The following CNOT6L variants were observed in gnomAD, a reference collection of about 807,000 sequenced individuals.
CNOT6L encodes the protein CCR4-NOT transcription complex subunit 6 like, also known as CCR4-NOT transcription complex subunit 6-like.
In CNOT6L, 7 loss-of-function variants were observed where a neutral mutation model predicts 64.0. The ratio of observed to expected loss-of-function variants is 0.11; its 90% CI spans 0.06 to 0.21. The LOEUF (loss-of-function observed/expected upper bound fraction) is 0.21, where lower values mean the gene tolerates loss of function less well. Ranked by LOEUF, CNOT6L falls within the 10% of genes least tolerant of loss-of-function variation. CNOT6L has a pLI of 1.00. For missense variants in CNOT6L, 245 were observed against 669.0 expected (o/e 0.37, Z 6.99); for synonymous variants, 193 against 243.4 (o/e 0.79, Z 1.93).
At chr4:77,757,365 T>C (rs1725687226) in intron 4 of CNOT6L, among the ~76,000 whole-genome samples, 1 of 152,148 alleles carries the variant, frequency 6.6e-6, no homozygotes, top group Non-Finnish European at 1.5e-5. Flanking sequence ...CGTAGAATAT[T>C]TATATTACAT....
At chr4:77,747,939 G>T (rs1016296965) in intron 6 of CNOT6L, among the ~76,000 whole-genome samples, 1 of 152,082 alleles carries the variant, frequency 6.6e-6, no homozygotes. Flanking sequence ...AAATATCATT[G>T]TTCTCATTTT....
intron 8 of CNOT6L, chr4:77,731,822 A>C: frequency 3.8e-6 from 1 of 261,864 alleles, no homozygotes; most frequent in Non-Finnish European, 7.1e-6. Context: ...ATGAAATAAG[A>C]AGCAGGAAGG....
At chr4:77,769,762 A>C (rs1004576366) in intron 4 of CNOT6L, among the ~76,000 whole-genome samples, 4 of 152,182 alleles carry the variant, frequency 2.6e-5, no homozygotes, top group Non-Finnish European at 5.9e-5. Flanking sequence ...TTTACAAAGT[A>C]AAAGAAAGTC....
chr4:77,729,383 T>TA (rs1187415149), intron 9 of CNOT6L, among the ~76,000 whole-genome samples: 1 of 152,202 alleles, frequency 6.6e-6, no homozygotes, highest in African/African-American at 2.4e-5. Context: ...AATAATGTAG[T>TA]AAGGCAGGTT....
chr4:77,817,825 C>T (rs1004756682), intron 1 of CNOT6L, among the ~76,000 whole-genome samples: 2 of 152,200 alleles, frequency 1.3e-5, no homozygotes, highest in African/African-American at 4.8e-5. Context: ...CAGAGTACGG[C>T]CTACAAGGAT....
At chr4:77,789,828 A>G (rs980762224) in intron 1 of CNOT6L, among the ~76,000 whole-genome samples, 46 of 151,470 alleles carry the variant, frequency 3.0e-4, no homozygotes. Flanking sequence ...ACATGTGCCT[A>G]TGTTCTCAGC....
intron 1 of CNOT6L, among the ~76,000 whole-genome samples, chr4:77,794,481 T>C (rs1237372824): frequency 6.6e-6 from 1 of 152,126 alleles, no homozygotes; most frequent in Non-Finnish European, 1.5e-5. Flanking sequence ...TGATTTAACG[T>C]TCAAAATAAT....
intron 1 of CNOT6L, among the ~76,000 whole-genome samples, chr4:77,787,801 A>C (rs1464289323): frequency 6.6e-6 from 1 of 152,192 alleles, no homozygotes; most frequent in Non-Finnish European, 1.5e-5. Flanking sequence ...TCACTTAATT[A>C]ATTTCTCCCA....
chr4:77,769,245 A>C (rs1343772603), intron 4 of CNOT6L, among the ~76,000 whole-genome samples: 1 of 152,140 alleles, frequency 6.6e-6, no homozygotes, highest in East Asian at 1.9e-4. Flanking sequence ...CCAATATCTA[A>C]ATTCAGGGTA....
chr4:77,743,266 A>C (rs1450716491), intron 7 of CNOT6L, among the ~76,000 whole-genome samples: 4 of 151,996 alleles, frequency 2.6e-5, no homozygotes, highest in Admixed American at 2.6e-4. Flanking sequence ...TGCTTTTATA[A>C]TAAGACAATT....
intron 1 of CNOT6L, among the ~76,000 whole-genome samples, chr4:77,790,217 C>CG: frequency 6.6e-6 from 1 of 152,208 alleles, no homozygotes; most frequent in Non-Finnish European, 1.5e-5. Context: ...AAGTTTCCTC[C>CG]ATGTCTTTTC....
chr4:77,757,849 C>T (rs1451002752), intron 4 of CNOT6L, among the ~76,000 whole-genome samples: 6 of 152,040 alleles, frequency 3.9e-5, no homozygotes, highest in South Asian at 2.1e-4. Flanking sequence ...TACAAGTGCC[C>T]GCCACCACGC....
chr4:77,721,240 A>T (rs946661040), intron 11 of CNOT6L, among the ~76,000 whole-genome samples: 3 of 152,158 alleles, frequency 2.0e-5, no homozygotes, highest in African/African-American at 7.2e-5. Context: ...AATATGTGTA[A>T]ATTCTGGATT....
intron 1 of CNOT6L, among the ~76,000 whole-genome samples, chr4:77,783,917 AT>A (rs1729165127): frequency 6.7e-6 from 1 of 148,892 alleles, no homozygotes; most frequent in Admixed American, 6.7e-5. Context: ...AATATTTAAT[AT>A]ATTAAATATA....
intron 5 of CNOT6L, among the ~76,000 whole-genome samples, chr4:77,749,835 G>A (rs1724654425): frequency 6.6e-6 from 1 of 152,072 alleles, no homozygotes; most frequent in Non-Finnish European, 1.5e-5. Context: ...AGAACAAACT[G>A]GCATCTTTTA....
chr4:77,791,390 CAAGAT>C (rs761254375), intron 1 of CNOT6L, among the ~76,000 whole-genome samples: 2 of 151,484 alleles, frequency 1.3e-5, no homozygotes, highest in Non-Finnish European at 2.9e-5. Flanking sequence ...TGCAAACTAT[CAAGAT>C]AAGTAACAAA....
intron 5 of CNOT6L, 121 bp from the exon 6 acceptor site, chr4:77,748,505 T>C (rs1418972139): frequency 8.8e-6 from 6 of 680,206 alleles, no homozygotes; most frequent in Non-Finnish European, 1.6e-5. Flanking sequence ...ACTGACTTAA[T>C]CTAATGCTGA....
chr4:77,757,953 G>C (rs1163424424), intron 4 of CNOT6L, among the ~76,000 whole-genome samples: 2 of 152,130 alleles, frequency 1.3e-5, no homozygotes, highest in Admixed American at 6.5e-5. Flanking sequence ...GCCCGCCTTG[G>C]CCTCCCAAAA....
At chr4:77,728,642 C>T (rs968037250) in intron 10 of CNOT6L, among the ~76,000 whole-genome samples, 4 of 152,194 alleles carry the variant, frequency 2.6e-5, no homozygotes, top group African/African-American at 9.6e-5. Context: ...TGGCAGAGTA[C>T]TGCATCATTT....
Sources: allele counts gnomAD v4.1 joint callset (sites outside exome capture counted in the v4.1 genomes callset), GRCh38; gene constraint gnomAD v4.1.1; transcripts MANE v1.5; gene names NCBI Gene and HGNC (gene_info 2026-07-23, HGNC 2026-07-21).